Variants in PDE8B observed in about 807,000 individuals in gnomAD.
The protein encoded by PDE8B is phosphodiesterase 8B.
In PDE8B, 26 loss-of-function variants were observed where a neutral mutation model predicts 101.3. The observed-to-expected ratio is 0.26, with a 90% CI of 0.19 to 0.36. PDE8B has a LOEUF of 0.36. Among genes scored for constraint, PDE8B ranks in the 10% least tolerant of loss-of-function variants. The pLI, the probability that PDE8B is intolerant of heterozygous loss-of-function variation, is 1.00. For missense variants in PDE8B, 810 were observed against 1,163.1 expected (o/e 0.70, Z 4.42); for synonymous variants, 424 against 429.3 (o/e 0.99, Z 0.15).
chr5:77,185,814 T>C, the PDE8B span, among the ~76,000 whole-genome samples: 2 of 152,146 alleles, frequency 1.3e-5, no homozygotes, highest in African/African-American at 4.8e-5. Flanking sequence ...ACTACTTACA[T>C]CAAGCAAATT....
the PDE8B span, chr5:77,146,795 C>A: frequency 2.9e-6 from 1 of 344,116 alleles, no homozygotes. Context: ...AGATGAAAAC[C>A]TATATCCCTC....
chr5:77,250,454 C>G (rs1328711490), intron 1 of PDE8B, among the ~76,000 whole-genome samples: 1 of 152,154 alleles, frequency 6.6e-6, no homozygotes, highest in African/African-American at 2.4e-5. Flanking sequence ...GACAGGGACA[C>G]TTTTCGTAAG....
chr5:77,101,750 G>C, the PDE8B span, among the ~76,000 whole-genome samples: 9 of 152,256 alleles, frequency 5.9e-5, 1 homozygote, highest in East Asian at 1.6e-3. Context: ...AATACTTGGA[G>C]TGATTGAAAA....
chr5:77,318,220 CTG>C (rs1201447956), intron 2 of PDE8B, among the ~76,000 whole-genome samples: 2 of 152,062 alleles, frequency 1.3e-5, no homozygotes, highest in Non-Finnish European at 2.9e-5. Flanking sequence ...AGTGAAATGA[CTG>C]AGGGATGGAG....
At chr5:77,348,093 G>T (rs1020214865) in intron 7 of PDE8B, among the ~76,000 whole-genome samples, 1 of 152,112 alleles carries the variant, frequency 6.6e-6, no homozygotes, top group African/African-American at 2.4e-5. Flanking sequence ...CAACTCTCAG[G>T]GTTGATCGTG....
chr5:77,146,477 AC>A, the PDE8B span: 1 of 155,640 alleles, frequency 6.4e-6, no homozygotes, highest in Non-Finnish European at 1.4e-5. Flanking sequence ...GATTCTGAGT[AC>A]ATTGAGCTGC....
chr5:77,161,172 G>A, the PDE8B span, among the ~76,000 whole-genome samples: 4 of 152,176 alleles, frequency 2.6e-5, no homozygotes, highest in African/African-American at 9.6e-5. Context: ...ATGACCATAA[G>A]GAAGATATAG....
intron 1 of PDE8B, among the ~76,000 whole-genome samples, chr5:77,282,704 G>A (rs955423062): frequency 2.0e-5 from 3 of 151,994 alleles, no homozygotes; most frequent in African/African-American, 4.8e-5. Flanking sequence ...CTCTTCTTCC[G>A]ACAGCGAATT....
At chr5:77,375,844 T>G (rs978251145) in intron 10 of PDE8B, among the ~76,000 whole-genome samples, 56 of 151,990 alleles carry the variant, frequency 3.7e-4, no homozygotes, top group Non-Finnish European at 7.5e-4. Context: ...TTGTTGCCCC[T>G]TTTTAGGGTA....
the PDE8B span, chr5:77,087,008 G>A: frequency 2.6e-5 from 4 of 152,248 alleles, no homozygotes; most frequent in Admixed American, 1.3e-4. Context: ...CCCCGCGCGG[G>A]TGCCAGGGAG....
chr5:77,355,800 G>A lies in PDE8B; in HGVS notation c.1167+2394G>A, dbSNP rs1782002500. ...AAATAGAATGCAGCACAGAGGAAATGTGAATCAAGCACTGGAGGAGCTCAA... is the reference window on the plus strand; with the variant it reads ...AAATAGAATGCAGCACAGAGGAAATATGAATCAAGCACTGGAGGAGCTCAA... On this transcript the variant is annotated intron_variant, in intron 10 of 21. Coordinates refer to ENST00000264917, the MANE Select transcript of PDE8B (RefSeq NM_003719.5). Among the ~76,000 whole-genome samples the A allele has an allele frequency of 2.0e-5, 3 of 152,240 alleles. No individual in the cohort carries two copies. In the South Asian group the frequency reaches 6.2e-4, roughly 32 times the overall value.
intron 1 of PDE8B, among the ~76,000 whole-genome samples, chr5:77,286,743 TA>T (rs1373466900): frequency 6.6e-6 from 1 of 152,236 alleles, no homozygotes; most frequent in African/African-American, 2.4e-5. Context: ...ATTTATATTA[TA>T]CCCACCTATT....
At chr5:77,267,000 G>A (rs976696232) in intron 1 of PDE8B, among the ~76,000 whole-genome samples, 1 of 152,064 alleles carries the variant, frequency 6.6e-6, no homozygotes, top group African/African-American at 2.4e-5. Context: ...CTCATTGTGA[G>A]TTTTTGGATG....
chr5:77,199,341 C>G, the PDE8B span, among the ~76,000 whole-genome samples: 1 of 152,188 alleles, frequency 6.6e-6, no homozygotes, highest in African/African-American at 2.4e-5. Context: ...GTATATACTT[C>G]TCTCTCACAA....
chr5:77,245,855 C>G (rs1230140752), intron 1 of PDE8B, among the ~76,000 whole-genome samples: 1 of 79,824 alleles, frequency 1.3e-5, no homozygotes, highest in East Asian at 4.8e-4. Context: ...CCCCGCCCCC[C>G]CCCCCCAACT....
chr5:77,394,362 C>T (rs990264693), intron 10 of PDE8B, among the ~76,000 whole-genome samples: 9 of 152,144 alleles, frequency 5.9e-5, no homozygotes, highest in East Asian at 3.9e-4. Context: ...ATCTCCTCCT[C>T]GCACTCTTCA....
chr5:77,424,983 C>T (rs1797696798), intron 20 of PDE8B, among the ~76,000 whole-genome samples: 1 of 152,152 alleles, frequency 6.6e-6, no homozygotes, highest in Non-Finnish European at 1.5e-5. Context: ...AGCCATTGGG[C>T]TTGGCCTGAA....
chr5:77,249,053 T>C (rs1757538879), intron 1 of PDE8B, among the ~76,000 whole-genome samples: 1 of 152,210 alleles, frequency 6.6e-6, no homozygotes, highest in Admixed American at 6.5e-5. Flanking sequence ...CAGTCTATGG[T>C]ATTTTGTTAT....
At chr5:77,226,851 C>A (rs1752498289) in intron 1 of PDE8B, among the ~76,000 whole-genome samples, 1 of 152,130 alleles carries the variant, frequency 6.6e-6, no homozygotes, top group Non-Finnish European at 1.5e-5. Flanking sequence ...ATCTCTGAGA[C>A]AAATTGTTTA....
Sources: allele counts gnomAD v4.1 joint callset (sites outside exome capture counted in the v4.1 genomes callset), GRCh38; gene constraint gnomAD v4.1.1; transcripts MANE v1.5; gene names NCBI Gene and HGNC (gene_info 2026-07-23, HGNC 2026-07-21).